ASPH: variants seen among roughly 807,000 people sequenced by gnomAD.
ASPH encodes the protein aspartyl/asparaginyl beta-hydroxylase.
In ASPH, 100 loss-of-function variants were observed where a neutral mutation model predicts 118.4. That is an observed-to-expected ratio of 0.84 (90% CI 0.72 to 1.00). The LOEUF (loss-of-function observed/expected upper bound fraction) is 1.00. Ranked by LOEUF, ASPH falls within the 50% of genes least tolerant of loss-of-function variation. ASPH has a pLI of 0.00. For missense variants in ASPH, 920 were observed against 919.5 expected, an observed-to-expected ratio of 1.00 and a Z score of -0.01; for synonymous variants, 315 against 325.6, an observed-to-expected ratio of 0.97 and a Z score of 0.35.
At chr8:61,550,145 T>C (rs7825172) in intron 20 of ASPH, among the ~76,000 whole-genome samples, 42,465 of 151,938 alleles carry the variant, frequency 0.28, 8,012 homozygotes, top group African/African-American at 0.51. Flanking sequence ...GGGGACCCAA[T>C]GAATTCAGCT....
At chr8:61,564,263 A>C (rs954954099) in intron 17 of ASPH, among the ~76,000 whole-genome samples, 7 of 151,888 alleles carry the variant, frequency 4.6e-5, no homozygotes, top group South Asian at 2.1e-4. Context: ...CATAGTGGAG[A>C]CTGAGGCAAG....
intron 22 of ASPH, among the ~76,000 whole-genome samples, chr8:61,522,980 G>T (rs1242395101): frequency 6.6e-6 from 1 of 152,156 alleles, no homozygotes; most frequent in Non-Finnish European, 1.5e-5. Flanking sequence ...GGGGTACACA[G>T]TTCAGTCCAT....
At chr8:61,685,326 C>G (rs1430478914) in intron 1 of ASPH, among the ~76,000 whole-genome samples, 2 of 152,150 alleles carry the variant, frequency 1.3e-5, no homozygotes, top group Non-Finnish European at 2.9e-5. Context: ...AGGGGCAGTT[C>G]CTGGGTGAGA....
chr8:61,664,114 G>C, intron 3 of ASPH: 3 of 970,962 alleles, frequency 3.1e-6, no homozygotes, highest in Non-Finnish European at 3.7e-6. Context: ...TTTCACAGTA[G>C]TCACAATTAG....
intron 2 of ASPH, 79 bp downstream of exon 2, chr8:61,683,960 A>G (rs1829376450): frequency 6.7e-7 from 1 of 1,494,536 alleles, no homozygotes; most frequent in Non-Finnish European, 9.1e-7. Context: ...TACCAGAAAG[A>G]TGATAACAAA....
At chr8:61,688,625 C>A (rs1053380954) in intron 1 of ASPH, among the ~76,000 whole-genome samples, 5 of 152,308 alleles carry the variant, frequency 3.3e-5, no homozygotes, top group African/African-American at 1.2e-4. Context: ...ATAAACTCTA[C>A]ACATTTAAAG....
At chr8:61,672,716 C>G (rs1356291781) in intron 3 of ASPH, among the ~76,000 whole-genome samples, 1 of 152,162 alleles carries the variant, frequency 6.6e-6, no homozygotes, top group Non-Finnish European at 1.5e-5. Flanking sequence ...TAATATCTAA[C>G]TCCTAAGTAT....
intron 9 of ASPH, 120 bp downstream of exon 9, chr8:61,643,266 C>G (rs1283635569): frequency 2.2e-6 from 2 of 929,024 alleles, no homozygotes; most frequent in Admixed American, 5.5e-5. Context: ...AAATCTCATG[C>G]ATTAGATGTC....
At chr8:61,681,121 C>T in intron 2 of ASPH, 85 bp from the exon 3 acceptor site, 1 of 1,083,840 alleles carries the variant, frequency 9.2e-7, no homozygotes, top group Non-Finnish European at 1.3e-6. Context: ...AGTCATGCAA[C>T]TCAGTCATAA....
At chr8:61,535,591 A>G (rs1006859029) in intron 21 of ASPH, among the ~76,000 whole-genome samples, 1 of 152,232 alleles carries the variant, frequency 6.6e-6, no homozygotes, top group Non-Finnish European at 1.5e-5. Flanking sequence ...AAGTCTGTGT[A>G]TTAAATTGGA....
intron 4 of ASPH, among the ~76,000 whole-genome samples, chr8:61,652,758 G>C (rs1056589310): frequency 2.4e-4 from 37 of 152,214 alleles, no homozygotes; most frequent in African/African-American, 7.9e-4. Context: ...TATGATCATA[G>C]CAATTCTACA....
intron 3 of ASPH, among the ~76,000 whole-genome samples, chr8:61,670,768 A>C (rs1010140756): frequency 2.0e-5 from 3 of 151,998 alleles, no homozygotes; most frequent in African/African-American, 7.3e-5. Context: ...CTGAAAAAAA[A>C]AGGTGAGTGA....
intron 1 of ASPH, among the ~76,000 whole-genome samples, chr8:61,700,687 G>C (rs1226058375): frequency 6.6e-6 from 1 of 152,134 alleles, no homozygotes; most frequent in Non-Finnish European, 1.5e-5. Context: ...TTTCCCCAAT[G>C]TTTTACTATG....
chr8:61,514,988 G>C (rs1476708078), intron 24 of ASPH, among the ~76,000 whole-genome samples: 1 of 144,948 alleles, frequency 6.9e-6, no homozygotes, highest in African/African-American at 2.5e-5. Context: ...AGGAGGGAGG[G>C]AGAGAGGGAG....
chr8:61,691,088 CACT>C (rs1263251222), intron 1 of ASPH, among the ~76,000 whole-genome samples: 38 of 152,228 alleles, frequency 2.5e-4, no homozygotes, highest in African/African-American at 9.1e-4. Context: ...AGGAACAAAA[CACT>C]AAATTATAGA....
At chr8:61,673,640 TG>T (rs1823732367) in intron 3 of ASPH, among the ~76,000 whole-genome samples, 1 of 152,068 alleles carries the variant, frequency 6.6e-6, no homozygotes, top group Admixed American at 6.5e-5. Flanking sequence ...TTAAAAGACA[TG>T]AGGTAGGAAA....
chr8:61,502,724 C>T lies in ASPH; in HGVS notation c.*635G>A, dbSNP rs569421009. The T allele has an allele frequency of 1.2e-4, 19 of 152,014 alleles. No homozygotes were observed. The highest frequency in any genetic ancestry group is 2.5e-4 in the Non-Finnish European group (17 of 67,986). The allele number at this position is 152,014 out of a possible 1,614,324, so 9.4% of individuals were successfully genotyped here. Reference sequence around the variant, plus strand: ...CTCAATCAAGATAAAAAAAACCAAACGATTTGAGAGTTGGGATGGGTACAG... The same window carrying T: ...CTCAATCAAGATAAAAAAAACCAAATGATTTGAGAGTTGGGATGGGTACAG... On this transcript the variant is annotated 3_prime_UTR_variant, in exon 25 of 25. Coordinates refer to ENST00000379454, the MANE Select transcript of ASPH (RefSeq NM_004318.4).
intron 2 of ASPH, among the ~76,000 whole-genome samples, chr8:61,681,325 A>G (rs1267249332): frequency 4.6e-5 from 7 of 151,830 alleles, no homozygotes; most frequent in Admixed American, 2.6e-4. Context: ...AGTTCAGAAT[A>G]ATTTTTATTA....
In ASPH at chr8:61,714,401, G is replaced by T. The variant is rs1265194503; in HGVS notation, c.-30C>A. On this transcript the variant is annotated 5_prime_UTR_variant, in exon 1 of 25. Coordinates refer to ENST00000379454, the MANE Select transcript of ASPH (RefSeq NM_004318.4). ...CGGTCCGCGGGGGCTGGTGAGGGCT[G>T]GCGGACCTCCTTCAGTGCGCGGGGG... The T allele has an allele frequency of 2.7e-6, 4 of 1,468,854 alleles. No individual in the cohort carries two copies. In the Admixed American group the frequency reaches 9.6e-5, roughly 35 times the overall value. The allele number at this position is 1,468,854 out of a possible 1,614,324, so 91.0% of individuals were successfully genotyped here.
Sources: allele counts gnomAD v4.1 joint callset (sites outside exome capture counted in the v4.1 genomes callset), GRCh38; gene constraint gnomAD v4.1.1; transcripts MANE v1.5; gene names NCBI Gene and HGNC (gene_info 2026-07-23, HGNC 2026-07-21).